Variants in TTBK2 observed in about 807,000 individuals in gnomAD.
The protein encoded by TTBK2 is tau tubulin kinase 2.
TTBK2 carries 28 observed loss-of-function variants against 110.8 expected under a neutral mutation model. That is an observed-to-expected ratio of 0.25 (90% CI 0.19 to 0.35). TTBK2 has a LOEUF of 0.35. Among genes scored for constraint, TTBK2 ranks in the 10% least tolerant of loss-of-function variants. The pLI is 1.00. For missense variants in TTBK2, 1,369 were observed against 1,500.3 expected, an observed-to-expected ratio of 0.91 and a Z score of 1.45; for synonymous variants, 532 against 527.3, an observed-to-expected ratio of 1.01 and a Z score of -0.12.
intron 13 of TTBK2, among the ~76,000 whole-genome samples, chr15:42,772,594 A>G (rs921114705): frequency 1.3e-5 from 2 of 152,182 alleles, no homozygotes; most frequent in African/African-American, 2.4e-5. Flanking sequence ...AATGGATAAC[A>G]TATGGGTGAT....
intron 13 of TTBK2, among the ~76,000 whole-genome samples, chr15:42,765,058 A>G (rs1487821749): frequency 2.0e-5 from 3 of 152,230 alleles, no homozygotes; most frequent in Non-Finnish European, 4.4e-5. Flanking sequence ...TTAGAAGGAA[A>G]ACTAACAAAC....
Position 42,746,144 on chromosome 15 carries a change from T to C in TTBK2, c.3386A>G (p.Lys1129Arg). 6.2e-7 allele frequency: 1 copy of C among 1,614,128 alleles called. No individual in the cohort carries two copies. Among genetic ancestry groups the C allele is most frequent in the Non-Finnish European group, 8.5e-7 (1 of 1,180,032 alleles). ...SQKPRSTTQC[K>R]SPGSPHNPKT... ...TGGATTGTGAGGAGATCCTGGACTC[T>C]TGCACTGAGTAGTGCTCCGGGGTTT... The change falls in exon 15 of 15, where the codon AAG becomes AGG. Residue 1129 changes from lysine (K) to arginine (R), a missense_variant. By Grantham distance (26) the Lys-to-Arg change is conservative. Coordinates refer to ENST00000267890, the MANE Select transcript of TTBK2 (RefSeq NM_173500.4).
intron 4 of TTBK2, among the ~76,000 whole-genome samples, chr15:42,830,524 C>T (rs1270125767): frequency 6.6e-6 from 1 of 152,042 alleles, no homozygotes; most frequent in Non-Finnish European, 1.5e-5. Context: ...GATCCTCTCA[C>T]TCAACAGATC....
intron 9 of TTBK2, among the ~76,000 whole-genome samples, chr15:42,796,206 C>T (rs982315431): frequency 2.0e-5 from 3 of 152,124 alleles, no homozygotes; most frequent in African/African-American, 7.2e-5. Flanking sequence ...GGGTTCAAGA[C>T]CAGCCTGGCC....
intron 13 of TTBK2, among the ~76,000 whole-genome samples, chr15:42,757,501 A>C (rs2140634465): frequency 6.6e-6 from 1 of 152,360 alleles, no homozygotes; most frequent in African/African-American, 2.4e-5. Flanking sequence ...AGTTGTGCAC[A>C]GCACAGTACA....
At chr15:42,894,159 G>A (rs577531961) in intron 1 of TTBK2, among the ~76,000 whole-genome samples, 30 of 152,288 alleles carry the variant, frequency 2.0e-4, no homozygotes, top group African/African-American at 7.0e-4. Flanking sequence ...CTTGCCTGCT[G>A]CCATGTAAGA....
intron 3 of TTBK2, among the ~76,000 whole-genome samples, chr15:42,868,323 A>G (rs1211095442): frequency 1.3e-5 from 2 of 152,188 alleles, no homozygotes; most frequent in African/African-American, 4.8e-5. Context: ...AGAATGTTCA[A>G]TAAGAGTGAA....
chr15:42,764,677 A>G (rs1454304397), intron 13 of TTBK2, among the ~76,000 whole-genome samples: 1 of 152,286 alleles, frequency 6.6e-6, no homozygotes, highest in East Asian at 1.9e-4. Context: ...CTCTGGGGGC[A>G]GAGCATAGCT....
At chr15:42,813,935 A>AT (rs35869917) in intron 7 of TTBK2, among the ~76,000 whole-genome samples, 3 of 152,192 alleles carry the variant, frequency 2.0e-5, no homozygotes, top group Non-Finnish European at 2.9e-5. Context: ...GAAGAAAGTA[A>AT]TTTTTTCAAA....
At chr15:42,804,774 AAAGT>A (rs1405993756) in intron 9 of TTBK2, among the ~76,000 whole-genome samples, 3 of 151,878 alleles carry the variant, frequency 2.0e-5, no homozygotes, top group African/African-American at 7.3e-5. Flanking sequence ...GAATGTGGAT[AAAGT>A]AAGCTGGCTG....
intron 14 of TTBK2, 140 bp from the exon 15 acceptor site, chr15:42,746,397 A>G: frequency 7.3e-6 from 5 of 684,892 alleles, no homozygotes; most frequent in Non-Finnish European, 1.2e-5. Context: ...TCTGTCATAT[A>G]CTAGTTGTAT....
In TTBK2 at chr15:42,874,311, T is replaced by TTTTTTTTA. The variant is rs540639244; in HGVS notation, c.70-1561_70-1554dup. ...GCCATAATCCTTCTTTATTTTTTTA[T>TTTTTTTTA]TTTTTTTATTTTTTTATTTTTTGAG... On this transcript the variant is annotated intron_variant, in intron 2 of 14. Coordinates refer to ENST00000267890, the MANE Select transcript of TTBK2 (RefSeq NM_173500.4). Among the ~76,000 whole-genome samples the TTTTTTTTA allele has an allele frequency of 4.8e-3, 735 of 151,884 alleles. 9 individuals are homozygous for TTTTTTTTA. Among genetic ancestry groups the TTTTTTTTA allele is most frequent in the African/African-American group, 0.017 (708 of 41,390 alleles).
chr15:42,849,878 T>C (rs76270746), intron 3 of TTBK2, among the ~76,000 whole-genome samples: 2,470 of 152,212 alleles, frequency 0.016, 66 homozygotes, highest in African/African-American at 0.056. Flanking sequence ...TGGTCAGTGT[T>C]CCAAGTTCTT....
intron 13 of TTBK2, among the ~76,000 whole-genome samples, chr15:42,756,799 G>C (rs887272901): frequency 2.6e-5 from 4 of 151,744 alleles, no homozygotes; most frequent in African/African-American, 9.7e-5. Context: ...TCAAGAGGCT[G>C]AGGCAGAAGA....
At chr15:42,807,331 A>C (rs1891509862) in intron 9 of TTBK2, among the ~76,000 whole-genome samples, 1 of 152,162 alleles carries the variant, frequency 6.6e-6, no homozygotes, top group Non-Finnish European at 1.5e-5. Flanking sequence ...TAGTCTTCTC[A>C]ACTTGCTAAG....
At chr15:42,758,609 C>T (rs566103520) in intron 13 of TTBK2, among the ~76,000 whole-genome samples, 61 of 146,762 alleles carry the variant, frequency 4.2e-4, no homozygotes, top group African/African-American at 1.6e-3. Context: ...GAGCCGAGAT[C>T]GCACCATTGC....
chr15:42,771,750 G>A (rs1048562147), intron 13 of TTBK2, among the ~76,000 whole-genome samples: 1 of 151,758 alleles, frequency 6.6e-6, no homozygotes, highest in African/African-American at 2.4e-5. Context: ...TCCTTTTCTC[G>A]ATCTCTAAGA....
chr15:42,885,177 C>T (rs1277259420), intron 1 of TTBK2, among the ~76,000 whole-genome samples: 7 of 152,338 alleles, frequency 4.6e-5, no homozygotes, highest in East Asian at 3.9e-4. Context: ...CACACAGACA[C>T]GTGAGACATT....
intron 14 of TTBK2, among the ~76,000 whole-genome samples, chr15:42,749,598 G>C (rs993959889): frequency 6.6e-6 from 1 of 152,150 alleles, no homozygotes; most frequent in Non-Finnish European, 1.5e-5. Context: ...TGCTGCTTCT[G>C]ATCACAGAAG....
Sources: gnomAD v4.1 joint callset for allele counts (sites outside exome capture counted in the v4.1 genomes callset) on GRCh38, gnomAD v4.1.1 for gene constraint, MANE v1.5 for transcripts, NCBI Gene and HGNC (gene_info 2026-07-23, HGNC 2026-07-21) for gene names.